KAT6A: variants seen among roughly 807,000 people sequenced by gnomAD.
KAT6A encodes histone acetyltransferase KAT6A.
Under a neutral mutation model 198.4 loss-of-function variants are expected in KAT6A, and 9 were observed. That is an observed-to-expected ratio of 0.05 (90% CI 0.03 to 0.08). The LOEUF is 0.08. Ranked by LOEUF, KAT6A falls within the 10% of genes least tolerant of loss-of-function variation. The probability of loss-of-function intolerance (pLI) is 1.00; values close to 1 mark genes in which losing one functional copy is unlikely to be tolerated. For synonymous variants in KAT6A, 890 were observed against 883.0 expected, an observed-to-expected ratio of 1.01 and a Z score of -0.14; for missense variants, 2,077 against 2,509.9, an observed-to-expected ratio of 0.83 and a Z score of 3.69.
intron 2 of KAT6A, among the ~76,000 whole-genome samples, chr8:42,019,122 G>C (rs1317159504): frequency 6.6e-6 from 1 of 152,126 alleles, no homozygotes; most frequent in Non-Finnish European, 1.5e-5. Context: ...GATCTCATCT[G>C]TAAAAATAAG....
intron 2 of KAT6A, among the ~76,000 whole-genome samples, chr8:42,007,471 T>C (rs73628560): frequency 0.02 from 2,994 of 152,244 alleles, 90 homozygotes; most frequent in African/African-American, 0.068. Context: ...TTAAAGATAA[T>C]CATAAATGAA....
chr8:41,976,391 T>C (rs1824055066), intron 7 of KAT6A, among the ~76,000 whole-genome samples: 1 of 152,252 alleles, frequency 6.6e-6, no homozygotes, highest in South Asian at 2.1e-4. Flanking sequence ...CTGACTTGAA[T>C]GATTTGCCAC....
chr8:42,017,706 G>A (rs77870823), intron 2 of KAT6A, among the ~76,000 whole-genome samples: 15,884 of 152,096 alleles, frequency 0.1, 1,067 homozygotes, highest in East Asian at 0.24. Context: ...AAGGAAGCCC[G>A]AACCTTGTCC....
intron 2 of KAT6A, among the ~76,000 whole-genome samples, chr8:41,996,536 G>T (rs1220301488): frequency 6.6e-6 from 1 of 152,212 alleles, no homozygotes; most frequent in Non-Finnish European, 1.5e-5. Context: ...GTCTGGTGTT[G>T]TTAAGAGGTG....
chr8:41,978,787 A>T lies in KAT6A; in HGVS notation c.908-10T>A, dbSNP rs1242909055. The T allele has an allele frequency of 6.2e-7, 1 of 1,611,966 alleles. No homozygotes were observed. The highest frequency in any genetic ancestry group is 8.5e-7 in the Non-Finnish European group (1 of 1,178,962). ...TGACATATCCACATGCCTATAAAAA[A>T]ATAAAATTCCACATAGAAGTGTGAC... On this transcript the variant is annotated splice_polypyrimidine_tract_variant and intron_variant, in intron 5 of 16. Coordinates refer to ENST00000265713, the MANE Select transcript of KAT6A (RefSeq NM_006766.5).
At chr8:42,047,169 G>A (rs1406336683) in intron 2 of KAT6A, among the ~76,000 whole-genome samples, 1 of 152,100 alleles carries the variant, frequency 6.6e-6, no homozygotes, top group East Asian at 1.9e-4. Context: ...AAGGTGTGCA[G>A]CAACTTAAAG....
Position 41,934,625 on chromosome 8 carries a change from C to T in KAT6A, c.3595G>A (p.Gly1199Arg). ...IEPIVSIPKA[G>R]RKPKIQESEE... is the part of the protein sequence containing the mutation. The stretch of plus-strand genomic sequence containing the variant: ...CTCTCCTGGATCTTGGGTTTACGTC[C>T]AGCTTTAGGAATGGAAACGATGGGC... The change falls in exon 17 of 17, where the codon GGA becomes AGA. Residue 1199 changes from glycine to arginine, a missense_variant. Physicochemically the swap from Gly to Arg is moderately radical, Grantham distance 125. Transcript: ENST00000265713. The T allele has an allele frequency of 6.2e-7, 1 of 1,614,048 alleles. No homozygotes were observed.
At chr8:42,040,617 C>T (rs1255805308) in intron 2 of KAT6A, among the ~76,000 whole-genome samples, 1 of 150,834 alleles carries the variant, frequency 6.6e-6, no homozygotes, top group Non-Finnish European at 1.5e-5. Flanking sequence ...TGCATGTAAA[C>T]CCAGCTACTC....
chr8:42,024,549 T>C (rs577659973), intron 2 of KAT6A, among the ~76,000 whole-genome samples: 10 of 152,324 alleles, frequency 6.6e-5, no homozygotes, highest in African/African-American at 2.4e-4. Flanking sequence ...TCCTTCTAAC[T>C]GTATGTTTGT....
intron 8 of KAT6A, among the ~76,000 whole-genome samples, chr8:41,961,977 A>T (rs1159357076): frequency 6.6e-6 from 1 of 152,092 alleles, no homozygotes; most frequent in Non-Finnish European, 1.5e-5. Flanking sequence ...CCTTGTTGCT[A>T]AGCTGGACAG....
At chr8:42,038,939 C>A (rs1198546837) in intron 2 of KAT6A, among the ~76,000 whole-genome samples, 1 of 152,138 alleles carries the variant, frequency 6.6e-6, no homozygotes, top group Non-Finnish European at 1.5e-5. Context: ...AATAGTGCCA[C>A]ACTACAAATG....
chr8:41,949,155 T>C (rs1822544510), intron 10 of KAT6A, 67 bp downstream of exon 10: 6 of 1,033,588 alleles, frequency 5.8e-6, no homozygotes, highest in East Asian at 6.4e-5. Context: ...AGTTGCACAA[T>C]AGATGCAATA....
intron 16 of KAT6A, among the ~76,000 whole-genome samples, chr8:41,936,009 C>T (rs1243667401): frequency 6.6e-6 from 1 of 152,194 alleles, no homozygotes; most frequent in African/African-American, 2.4e-5. Context: ...CACCTGTAAT[C>T]CCAGCACTTT....
intron 2 of KAT6A, among the ~76,000 whole-genome samples, chr8:42,009,755 C>T (rs1185802979): frequency 6.6e-6 from 1 of 151,240 alleles, no homozygotes; most frequent in African/African-American, 2.4e-5. Context: ...TAAGTATTAG[C>T]TGGGCATGGT....
At chr8:42,009,659 G>A (rs578124920) in intron 2 of KAT6A, among the ~76,000 whole-genome samples, 60 of 151,922 alleles carry the variant, frequency 3.9e-4, no homozygotes, top group Non-Finnish European at 7.1e-4. Flanking sequence ...AGCATTTGGG[G>A]AGGCTGAGGT....
At chr8:41,967,292 T>TTTA (rs1186463356) in intron 8 of KAT6A, among the ~76,000 whole-genome samples, 5 of 150,194 alleles carry the variant, frequency 3.3e-5, no homozygotes, top group African/African-American at 1.2e-4. Flanking sequence ...TATTTATTTA[T>TTTA]TTATTTATTT....
At chr8:42,021,044 T>C (rs1457674952) in intron 2 of KAT6A, among the ~76,000 whole-genome samples, 1 of 152,124 alleles carries the variant, frequency 6.6e-6, no homozygotes, top group Non-Finnish European at 1.5e-5. Context: ...CTTGTTACTG[T>C]TCTTTTATTG....
intron 2 of KAT6A, among the ~76,000 whole-genome samples, chr8:42,032,781 G>C (rs1043057131): frequency 6.6e-6 from 1 of 150,790 alleles, no homozygotes; most frequent in Non-Finnish European, 1.5e-5. Context: ...GGCTAAAAAA[G>C]TGACAACAGT....
Position 42,049,028 on chromosome 8 carries a change from GAGTA to G in KAT6A, c.-55_-52del. On this transcript the variant is annotated 5_prime_UTR_variant, in exon 2 of 17. It removes the in-frame stop codon of an upstream open reading frame in the 5' UTR. Transcript: ENST00000265713. Reference sequence around the variant, plus strand: ...AGTCGTTATCCCTTATCCTGATGCTGAGTAAGTTTTACACCATGGAAAACAAGAT... The same window carrying G: ...AGTCGTTATCCCTTATCCTGATGCTGAGTTTTACACCATGGAAAACAAGAT... 6.5e-7 allele frequency: 1 copy of G among 1,550,358 alleles called. No individual in the cohort carries two copies. The highest frequency in any genetic ancestry group is 8.7e-7 in the Non-Finnish European group (1 of 1,152,062).
Sources: gnomAD v4.1 joint callset for allele counts (sites outside exome capture counted in the v4.1 genomes callset) on GRCh38, gnomAD v4.1.1 for gene constraint, MANE v1.5 for transcripts, NCBI Gene and HGNC (gene_info 2026-07-23, HGNC 2026-07-21) for gene names.